The following PARN variants were observed in gnomAD, a reference collection of about 807,000 sequenced individuals.
The protein encoded by PARN is poly(A)-specific ribonuclease PARN.
PARN carries 71 observed loss-of-function variants against 102.8 expected under a neutral mutation model. The ratio of observed to expected loss-of-function variants is 0.69; its 90% confidence interval spans 0.57 to 0.84. The LOEUF (loss-of-function observed/expected upper bound fraction) is 0.84, where lower values mean the gene tolerates loss of function less well. Among genes scored for constraint, PARN ranks in the 40% least tolerant of loss-of-function variants. The pLI, the probability that PARN is intolerant of heterozygous loss-of-function variation, is 0.00. For missense variants in PARN, 782 were observed against 760.9 expected (o/e 1.03, Z -0.33); for synonymous variants, 261 against 252.9 (o/e 1.03, Z -0.30).
chr16:14,436,520 C>A lies in PARN; in HGVS notation c.*197G>T. 4 of 602,734 alleles carry A rather than the reference C, an allele frequency of 6.6e-6. No homozygotes were observed. Among genetic ancestry groups the A allele is most frequent in the Admixed American group, 2.9e-5 (1 of 34,268 alleles). 37.3% of individuals were successfully genotyped at this position (602,734 alleles called of 1,614,324 possible). Reference sequence around the variant, plus strand: ...CAACCGTGATGAGTGTCAATGTCAACAGGCAGTTAGATTAAAAAGGGGAAA... The same window carrying A: ...CAACCGTGATGAGTGTCAATGTCAAAAGGCAGTTAGATTAAAAAGGGGAAA... On this transcript the variant is annotated 3_prime_UTR_variant, in exon 24 of 24. Transcript: ENST00000437198.
chr16:14,587,364 A>G (rs975572826), intron 13 of PARN, among the ~76,000 whole-genome samples: 3 of 152,274 alleles, frequency 2.0e-5, no homozygotes, highest in African/African-American at 7.2e-5. Context: ...GCACAGTTCT[A>G]GACCAATGTC....
At chr16:14,477,048 G>A (rs1198180788) in intron 22 of PARN, among the ~76,000 whole-genome samples, 1 of 152,176 alleles carries the variant, frequency 6.6e-6, no homozygotes, top group Admixed American at 6.5e-5. Context: ...AGAAGCAAGA[G>A]CCAGCTATAT....
chr16:14,493,801 A>G (rs1447110397), intron 21 of PARN, among the ~76,000 whole-genome samples: 1 of 152,262 alleles, frequency 6.6e-6, no homozygotes, highest in Non-Finnish European at 1.5e-5. Context: ...TTGCCTCAGC[A>G]TTGAATGAAT....
chr16:14,505,127 C>A (rs964218031), intron 21 of PARN, among the ~76,000 whole-genome samples: 25 of 152,174 alleles, frequency 1.6e-4, no homozygotes, highest in Non-Finnish European at 2.9e-5. Context: ...GTATATCATA[C>A]AATATTTGGC....
At chr16:14,544,285 A>C (rs1205537529) in intron 21 of PARN, among the ~76,000 whole-genome samples, 2 of 152,080 alleles carry the variant, frequency 1.3e-5, no homozygotes, top group Non-Finnish European at 2.9e-5. Flanking sequence ...GAAGGAAAAG[A>C]CCAGTTTGGC....
chr16:14,606,887 T>C (rs1341635898), intron 9 of PARN, among the ~76,000 whole-genome samples: 1 of 151,768 alleles, frequency 6.6e-6, no homozygotes, highest in East Asian at 1.9e-4. Context: ...GTTCACGCCA[T>C]TCTCCTGCCT....
In PARN at chr16:14,527,600, T is replaced by G. The variant is rs531349226; in HGVS notation, c.1480+24421A>C. 3.3e-5 allele frequency among the ~76,000 whole-genome samples: 5 copies of G among 152,346 alleles called. No homozygotes were observed. The East Asian group carries it at 9.6e-4, about 29-fold the overall frequency. On this transcript the variant is annotated intron_variant, in intron 21 of 23. Coordinates refer to ENST00000437198, the MANE Select transcript of PARN (RefSeq NM_002582.4). ...TCATCAACCGATCAATATATTATCT[T>G]GTTTTATGTGTGTTTCTGTTTAAAG...
Position 14,459,446 on chromosome 16 carries a change from G to T in PARN, c.1671-12365C>A, listed in dbSNP as rs1055021669. On this transcript the variant is annotated intron_variant, in intron 22 of 23. Transcript: ENST00000437198. ...TAGATCAAAAGGTAAAATACTAAGG[G>T]ACAACTCCAGTATAGCATATGCAAA... Among the ~76,000 whole-genome samples the T allele has an allele frequency of 3.3e-5, 5 of 152,116 alleles. No homozygotes were observed. The East Asian group carries it at 7.7e-4, about 23-fold the overall frequency.
At chr16:14,541,071 G>A (rs113065731) in intron 21 of PARN, among the ~76,000 whole-genome samples, 26,295 of 151,342 alleles carry the variant, frequency 0.17, 2,635 homozygotes, top group Middle Eastern at 0.28. Context: ...CAAGTGGATC[G>A]CTTGATCTCA....
intron 23 of PARN, among the ~76,000 whole-genome samples, chr16:14,446,654 T>G (rs928957373): frequency 6.6e-6 from 1 of 152,126 alleles, no homozygotes; most frequent in African/African-American, 2.4e-5. Flanking sequence ...ATTACCAAAA[T>G]AGACTAGCCA....
intron 21 of PARN, among the ~76,000 whole-genome samples, chr16:14,538,026 T>C (rs530310712): frequency 9.9e-5 from 15 of 152,160 alleles, no homozygotes; most frequent in Non-Finnish European, 1.6e-4. Flanking sequence ...TGTATACATA[T>C]ATTGAAATGT....
intron 22 of PARN, among the ~76,000 whole-genome samples, chr16:14,459,686 TGAATA>T (rs1319520102): frequency 1.3e-5 from 2 of 152,124 alleles, no homozygotes; most frequent in African/African-American, 4.8e-5. Context: ...TGTGGAAAAG[TGAATA>T]GAATAAACTT....
rs71373026 is a variant in PARN at position 14,435,896 on chromosome 16, TCA to T, written c.*819_*820del. ...GGACATGTTGTAGATTTGCACGATT[TCA>T]CACACACACACACACACACACACAC... On this transcript the variant is annotated 3_prime_UTR_variant, in exon 24 of 24. Coordinates refer to ENST00000437198, the MANE Select transcript of PARN (RefSeq NM_002582.4). 0.14 allele frequency: 18,231 copies of T among 130,892 alleles called. 1,405 individuals carry two copies. The highest frequency in any genetic ancestry group is 0.2 in the African/African-American group (6,812 of 33,828). The allele number at this position is 130,892 out of a possible 1,614,324, so 8.1% of individuals were successfully genotyped here.
chr16:14,570,815 CAA>C (rs761919651), intron 18 of PARN, among the ~76,000 whole-genome samples: 6 of 38,738 alleles, frequency 1.5e-4, no homozygotes, highest in Non-Finnish European at 1.8e-4. Flanking sequence ...CCCACCTCTA[CAA>C]AAAAAAAAAA....
chr16:14,460,134 A>G (rs754250263), intron 22 of PARN, among the ~76,000 whole-genome samples: 31 of 152,200 alleles, frequency 2.0e-4, no homozygotes, highest in Non-Finnish European at 1.8e-4. Flanking sequence ...GCCTCAGAGA[A>G]AAGACATATT....
chr16:14,525,230 G>A (rs571848316), intron 21 of PARN, among the ~76,000 whole-genome samples: 1 of 152,312 alleles, frequency 6.6e-6, no homozygotes, highest in South Asian at 2.1e-4. Flanking sequence ...GATAAAGGCT[G>A]TTCCCCAAGA....
At chr16:14,585,615 G>A (rs1327117599) in intron 14 of PARN, among the ~76,000 whole-genome samples, 1 of 152,158 alleles carries the variant, frequency 6.6e-6, no homozygotes, top group Non-Finnish European at 1.5e-5. Flanking sequence ...GCACTGACTT[G>A]AAGTGGATGA....
At chr16:14,516,866 G>T (rs1176237662) in intron 21 of PARN, among the ~76,000 whole-genome samples, 10 of 152,306 alleles carry the variant, frequency 6.6e-5, no homozygotes, top group Non-Finnish European at 1.2e-4. Context: ...CTCTGACAAT[G>T]TAAATATGGT....
chr16:14,629,460 T>C (rs1424305762), intron 2 of PARN, 137 bp downstream of exon 2: 4 of 670,488 alleles, frequency 6.0e-6, no homozygotes, highest in Non-Finnish European at 8.0e-6. Context: ...AGGGTAACAC[T>C]GAGACCTGTG....
Sources: gnomAD v4.1 joint callset for allele counts (sites outside exome capture counted in the v4.1 genomes callset) on GRCh38, gnomAD v4.1.1 for gene constraint, MANE v1.5 for transcripts, NCBI Gene and HGNC (gene_info 2026-07-23, HGNC 2026-07-21) for gene names.